DIP2C: variants seen among roughly 807,000 people sequenced by gnomAD.
DIP2C encodes disco-interacting protein 2 homolog C.
Under a neutral mutation model 192.4 loss-of-function variants are expected in DIP2C, and 33 were observed. That is an observed-to-expected ratio of 0.17 (90% CI 0.13 to 0.23). The LOEUF is 0.23. Among genes scored for constraint, DIP2C ranks in the 10% least tolerant of loss-of-function variants. The pLI, the probability that DIP2C is intolerant of heterozygous loss-of-function variation, is 1.00. For synonymous variants in DIP2C, 979 were observed against 864.1 expected, an observed-to-expected ratio of 1.13 and a Z score of -2.33; for missense variants, 1,537 against 2,110.1, an observed-to-expected ratio of 0.73 and a Z score of 5.32.
At position 594,750 on chromosome 10, in the gene DIP2C, A is replaced by G. The variant is rs116385206; in HGVS notation, c.85+94744T>C. On this transcript the variant is annotated intron_variant, in intron 1 of 36. Transcript: ENST00000280886. Reference sequence around the variant, plus strand: ...CTCAGAGTCAAGAAAACCCATGTTCACTTTCTCAAGACCACACACAACCGA... The same window carrying G: ...CTCAGAGTCAAGAAAACCCATGTTCGCTTTCTCAAGACCACACACAACCGA... 8.7e-4 allele frequency among the ~76,000 whole-genome samples: 132 copies of G among 152,206 alleles called. 1 individual carries two copies. The highest frequency in any genetic ancestry group is 3.1e-3 in the African/African-American group (127 of 41,518).
At chr10:606,789 C>G (rs1003608175) in intron 1 of DIP2C, among the ~76,000 whole-genome samples, 91 of 152,282 alleles carry the variant, frequency 6.0e-4, no homozygotes, top group African/African-American at 2.2e-3. Flanking sequence ...AGACCCAACC[C>G]GAGACCAGGG....
At chr10:638,413 T>A (rs1588651991) in intron 1 of DIP2C, among the ~76,000 whole-genome samples, 1 of 152,176 alleles carries the variant, frequency 6.6e-6, no homozygotes, top group Non-Finnish European at 1.5e-5. Context: ...GACAGCAGGG[T>A]TTGCTTCAGT....
chr10:510,713 C>T (rs868006773), intron 1 of DIP2C, among the ~76,000 whole-genome samples: 10 of 152,372 alleles, frequency 6.6e-5, no homozygotes, highest in African/African-American at 2.2e-4. Flanking sequence ...CAGCTGACTG[C>T]ATCTCACTGT....
intron 29 of DIP2C, among the ~76,000 whole-genome samples, chr10:331,476 A>C (rs907818387): frequency 1.3e-5 from 2 of 152,232 alleles, no homozygotes; most frequent in Non-Finnish European, 2.9e-5. Context: ...CCATGAATCA[A>C]AGATATTCAT....
At chr10:285,423 G>A (rs879646588) in intron 34 of DIP2C, among the ~76,000 whole-genome samples, 2 of 152,188 alleles carry the variant, frequency 1.3e-5, no homozygotes, top group Admixed American at 6.5e-5. Context: ...AGGGGAGTGA[G>A]GGTGTCCTTG....
intron 1 of DIP2C, among the ~76,000 whole-genome samples, chr10:657,957 G>A (rs1397222811): frequency 1.2e-3 from 177 of 149,460 alleles, no homozygotes; most frequent in African/African-American, 4.1e-3. Context: ...CCCTGGACCT[G>A]TCCCTGGACC....
chr10:342,424 C>G (rs1221622962), intron 28 of DIP2C, among the ~76,000 whole-genome samples: 1 of 152,202 alleles, frequency 6.6e-6, no homozygotes, highest in African/African-American at 2.4e-5. Flanking sequence ...TCCCAAAGTG[C>G]TGGGATTACA....
At chr10:668,908 G>A (rs1013187735) in intron 1 of DIP2C, 1 of 152,094 alleles carries the variant, frequency 6.6e-6, no homozygotes, top group Non-Finnish European at 1.5e-5. Context: ...CTCCAAAACA[G>A]GGGCCAGGAG....
At chr10:531,844 GC>G (rs1259966347) in intron 1 of DIP2C, among the ~76,000 whole-genome samples, 2 of 152,200 alleles carry the variant, frequency 1.3e-5, no homozygotes, top group African/African-American at 4.8e-5. Flanking sequence ...GCCAATGCAG[GC>G]AACGCTTGCA....
chr10:613,922 T>A (rs193288903), intron 1 of DIP2C, among the ~76,000 whole-genome samples: 214 of 152,174 alleles, frequency 1.4e-3, no homozygotes, highest in Non-Finnish European at 2.5e-3. Flanking sequence ...TGACCTCTTG[T>A]CACCCTCCCA....
Position 499,324 on chromosome 10 carries a change from T to TC in DIP2C, c.86-12795dup, listed in dbSNP as rs887983578. 9.5e-5 allele frequency among the ~76,000 whole-genome samples: 14 copies of TC among 147,562 alleles called. No individual in the cohort carries two copies. The East Asian group carries it at 1.5e-3, about 16-fold the overall frequency. ...CTTCTCCCTGTGTGGACGGCTGGGC[T>TC]CCCCCTCTGTGGACCGCTGGGCTGC... On this transcript the variant is annotated intron_variant, in intron 1 of 36. Coordinates refer to ENST00000280886, the MANE Select transcript of DIP2C (RefSeq NM_014974.3).
intron 1 of DIP2C, among the ~76,000 whole-genome samples, chr10:626,572 C>A (rs1564284139): frequency 6.6e-6 from 1 of 152,124 alleles, no homozygotes; most frequent in Non-Finnish European, 1.5e-5. Flanking sequence ...TCCTGTTCAC[C>A]GAGAGCATGT....
At chr10:565,769 C>T (rs77332709) in intron 1 of DIP2C, among the ~76,000 whole-genome samples, 1,671 of 152,330 alleles carry the variant, frequency 0.011, 19 homozygotes, top group Non-Finnish European at 0.016. Flanking sequence ...CGGAGTCGAG[C>T]GCAGCAAGGA....
At chr10:563,183 C>A (rs1334724871) in intron 1 of DIP2C, among the ~76,000 whole-genome samples, 1 of 152,232 alleles carries the variant, frequency 6.6e-6, no homozygotes, top group Admixed American at 6.5e-5. Context: ...TCGACTAATG[C>A]AGACTGTTCC....
chr10:534,716 C>T (rs1847599060), intron 1 of DIP2C, among the ~76,000 whole-genome samples: 1 of 149,190 alleles, frequency 6.7e-6, no homozygotes, highest in Non-Finnish European at 1.5e-5. Context: ...GTCGCCCAGG[C>T]CGGACTGCGG....
At chr10:463,023 A>G (rs1156729761) in intron 3 of DIP2C, among the ~76,000 whole-genome samples, 3 of 152,214 alleles carry the variant, frequency 2.0e-5, no homozygotes, top group Non-Finnish European at 4.4e-5. Context: ...ATCTCAAAAT[A>G]ATAAGAGCTA....
chr10:509,495 C>CGG (rs1293747755), intron 1 of DIP2C, among the ~76,000 whole-genome samples: 1 of 152,174 alleles, frequency 6.6e-6, no homozygotes, highest in Non-Finnish European at 1.5e-5. Flanking sequence ...AGACAGACTA[C>CGG]GGAGCAGAGC....
chr10:393,788 A>AAAAG (rs1353486639), intron 10 of DIP2C, among the ~76,000 whole-genome samples: 9 of 144,938 alleles, frequency 6.2e-5, no homozygotes, highest in African/African-American at 2.3e-4. Flanking sequence ...CAAAAAAAAA[A>AAAAG]AAAAAAAAGA....
intron 1 of DIP2C, among the ~76,000 whole-genome samples, chr10:603,532 CATACTG>C: frequency 6.6e-6 from 1 of 152,154 alleles, no homozygotes; most frequent in South Asian, 2.1e-4. Flanking sequence ...GGAACAAGAC[CATACTG>C]TGATCGAAAT....
Sources: allele counts gnomAD v4.1 joint callset (sites outside exome capture counted in the v4.1 genomes callset), GRCh38; gene constraint gnomAD v4.1.1; transcripts MANE v1.5; gene names NCBI Gene and HGNC (gene_info 2026-07-23, HGNC 2026-07-21).